The following KDM2A variants were observed in gnomAD, a reference collection of about 807,000 sequenced individuals.
The protein encoded by KDM2A is lysine demethylase 2A.
Under a neutral mutation model 137.3 loss-of-function variants are expected in KDM2A, and 3 were observed. The observed-to-expected ratio is 0.02, with a 90% CI of 0.01 to 0.06. The LOEUF is 0.06. KDM2A is among the 10% of genes least tolerant of loss of function. KDM2A has a pLI of 1.00. For missense variants in KDM2A, 738 were observed against 1,510.6 expected, an observed-to-expected ratio of 0.49 and a Z score of 8.48; for synonymous variants, 512 against 541.5, an observed-to-expected ratio of 0.95 and a Z score of 0.76.
intron 2 of KDM2A, among the ~76,000 whole-genome samples, chr11:67,123,668 A>C (rs1292148963): frequency 1.3e-5 from 2 of 151,920 alleles, no homozygotes; most frequent in South Asian, 2.1e-4. Context: ...TCCAGCAAGC[A>C]AAACTTTTAA....
At chr11:67,132,898 A>G (rs1280552093) in intron 2 of KDM2A, among the ~76,000 whole-genome samples, 1 of 152,168 alleles carries the variant, frequency 6.6e-6, no homozygotes, top group African/African-American at 2.4e-5. Context: ...GATCCACGCA[A>G]AAGTTTGAGA....
chr11:67,180,006 G>A, intron 2 of KDM2A, 73 bp from the exon 3 acceptor site: 3 of 1,473,840 alleles, frequency 2.0e-6, no homozygotes, highest in South Asian at 2.7e-5. Context: ...GCACATGTAG[G>A]GAAATCTATG....
At position 67,215,675 on chromosome 11, in the gene KDM2A, A is replaced by G. The variant is rs113780245; in HGVS notation, c.594-181A>G. On this transcript the variant is annotated intron_variant, in intron 7 of 20. Coordinates refer to ENST00000529006, the MANE Select transcript of KDM2A (RefSeq NM_012308.3). Reference sequence around the variant, plus strand: ...ACTTACATTTTAGTCAATACGGTAGAAAAAAAAAAAACCTTTTTCTGATAA... The same window carrying G: ...ACTTACATTTTAGTCAATACGGTAGGAAAAAAAAAAACCTTTTTCTGATAA... The G allele has an allele frequency of 0.029, 13,437 of 469,540 alleles. 103 individuals carry two copies. The highest frequency in any genetic ancestry group is 0.054 in the Middle Eastern group (123 of 2,292). The allele number at this position is 469,540 out of a possible 1,614,324, so 29.1% of individuals were successfully genotyped here. A position where few individuals can be genotyped will look rare whatever the true frequency, so the allele number is the denominator to read the frequency against.
At chr11:67,215,618 T>C in intron 7 of KDM2A, 172 bp downstream of exon 7, 1 of 618,520 alleles carries the variant, frequency 1.6e-6, no homozygotes, top group African/African-American at 1.9e-5. Flanking sequence ...GAGCATACCA[T>C]AGCACACAAC....
intron 12 of KDM2A, among the ~76,000 whole-genome samples, chr11:67,235,343 T>A (rs1193612583): frequency 6.6e-6 from 1 of 150,714 alleles, no homozygotes; most frequent in Non-Finnish European, 1.5e-5. Flanking sequence ...TCACTGTTTT[T>A]GCCCAGGCTG....
intron 2 of KDM2A, among the ~76,000 whole-genome samples, chr11:67,150,640 A>T (rs1276940775): frequency 6.6e-6 from 1 of 152,100 alleles, no homozygotes; most frequent in South Asian, 2.1e-4. Context: ...GAGAGGAGGG[A>T]TCTAAGAGTT....
At chr11:67,164,494 T>C (rs528931243) in intron 2 of KDM2A, among the ~76,000 whole-genome samples, 13 of 152,162 alleles carry the variant, frequency 8.5e-5, no homozygotes, top group Non-Finnish European at 1.6e-4. Context: ...GTTGTTGTTT[T>C]TTTGTAGCGA....
intron 2 of KDM2A, among the ~76,000 whole-genome samples, chr11:67,124,325 T>A (rs574750747): frequency 3.4e-5 from 5 of 147,738 alleles, no homozygotes; most frequent in Admixed American, 6.8e-5. Context: ...TTATATATAT[T>A]TTTTGAAATG....
intron 13 of KDM2A, among the ~76,000 whole-genome samples, chr11:67,244,072 G>T (rs1179440989): frequency 6.6e-6 from 1 of 152,182 alleles, no homozygotes; most frequent in Non-Finnish European, 1.5e-5. Context: ...AGAATATAAA[G>T]GTATGGAGTT....
intron 5 of KDM2A, 53 bp downstream of exon 5, chr11:67,181,945 G>A (rs755283965): frequency 2.3e-4 from 336 of 1,463,174 alleles, no homozygotes; most frequent in Non-Finnish European, 3.0e-4. Flanking sequence ...TAAGACTTAG[G>A]ACTGAATTAA....
At chr11:67,175,105 G>T (rs951080356) in intron 2 of KDM2A, among the ~76,000 whole-genome samples, 1 of 152,160 alleles carries the variant, frequency 6.6e-6, no homozygotes, top group African/African-American at 2.4e-5. Flanking sequence ...CTTACCTTTT[G>T]AGTTTCACCT....
At chr11:67,130,235 G>A (rs1194271748) in intron 2 of KDM2A, among the ~76,000 whole-genome samples, 2 of 151,800 alleles carry the variant, frequency 1.3e-5, no homozygotes, top group Middle Eastern at 3.4e-3. Flanking sequence ...CTCATACTTC[G>A]TGTTTACTCG....
intron 5 of KDM2A, among the ~76,000 whole-genome samples, chr11:67,186,723 T>C (rs1218078729): frequency 6.6e-6 from 1 of 152,206 alleles, no homozygotes; most frequent in Non-Finnish European, 1.5e-5. Flanking sequence ...AAACTTTGAG[T>C]GTAGCCCCAC....
intron 2 of KDM2A, among the ~76,000 whole-genome samples, chr11:67,170,535 C>G (rs911233291): frequency 6.6e-6 from 1 of 151,244 alleles, no homozygotes; most frequent in African/African-American, 2.4e-5. Context: ...GCCTGAGCCT[C>G]CCGAGTAGCT....
rs1859526257 is a variant in KDM2A, at chr11:67,254,139, G to A, written c.3092-64G>A. ...GGCCAGCAAGTAGCTGTTGCTGCCT[G>A]GAGCCTTGAAGCTGGATTAGAGAAT... On this transcript the variant is annotated intron_variant, in intron 19 of 20. Transcript: ENST00000529006. The surrounding 1 kb of genome is among the most constrained non-coding windows in gnomAD (Gnocchi z 4.7). 9 of 1,464,342 alleles carry A rather than the reference G, an allele frequency of 6.1e-6. No homozygotes were observed. The highest frequency in any genetic ancestry group is 8.4e-6 in the Non-Finnish European group (9 of 1,070,446). The allele number at this position is 1,464,342 out of a possible 1,614,324, so 90.7% of individuals were successfully genotyped here.
At chr11:67,152,771 G>A (rs1160568825) in intron 2 of KDM2A, among the ~76,000 whole-genome samples, 2 of 152,052 alleles carry the variant, frequency 1.3e-5, no homozygotes, top group Non-Finnish European at 2.9e-5. Context: ...TTCCATAGCA[G>A]ATGTTTAATG....
chr11:67,255,256 A>C lies in KDM2A; in HGVS notation c.*201A>C. ...TATCTGCCTGCTCCTCTCCCTCCTA[A>C]GGAAAAGGGAGTAGCAGATTGATCT... is the stretch of plus-strand genomic sequence containing the variant. On this transcript the variant is annotated 3_prime_UTR_variant, in exon 21 of 21. Coordinates refer to ENST00000529006, the MANE Select transcript of KDM2A (RefSeq NM_012308.3). 1.7e-6 allele frequency: 1 copy of C among 588,238 alleles called. No homozygotes were observed. Among genetic ancestry groups the C allele is most frequent in the South Asian group, 2.0e-5 (1 of 50,698 alleles). 36.4% of individuals were successfully genotyped at this position (588,238 alleles called of 1,614,324 possible).
chr11:67,167,291 G>A (rs149233515), intron 2 of KDM2A, among the ~76,000 whole-genome samples: 185 of 152,300 alleles, frequency 1.2e-3, no homozygotes, highest in African/African-American at 4.1e-3. Flanking sequence ...TTGTTGCAGA[G>A]TTGTGATGAT....
At chr11:67,164,655 CTGTCGCCCAGGCTGGAG>C (rs1856701669) in intron 2 of KDM2A, among the ~76,000 whole-genome samples, 1 of 151,480 alleles carries the variant, frequency 6.6e-6, no homozygotes. Context: ...ACATCTTGCT[CTGTCGCCCAGGCTGGAG>C]TGTAGTGGCA....
Sources: gnomAD v4.1 joint callset for allele counts (sites outside exome capture counted in the v4.1 genomes callset) on GRCh38, gnomAD v4.1.1 for gene constraint, Gnocchi (gnomAD v3.1) non-coding constraint, MANE v1.5 for transcripts, NCBI Gene and HGNC (gene_info 2026-07-23, HGNC 2026-07-21) for gene names.